The following TTLL11 variants were observed in gnomAD, a reference collection of about 807,000 sequenced individuals.
The protein encoded by TTLL11 is tubulin polyglutamylase TTLL11.
Under a neutral mutation model 51.7 loss-of-function variants are expected in TTLL11, and 42 were observed. The observed-to-expected ratio is 0.81, with a 90% CI of 0.64 to 1.05. TTLL11 has a LOEUF of 1.05. Ranked by LOEUF, TTLL11 falls within the 50% of genes least tolerant of loss-of-function variation. The probability of loss-of-function intolerance (pLI) is 0.00; values close to 1 mark genes in which losing one functional copy is unlikely to be tolerated. For missense variants in TTLL11, 799 were observed against 940.4 expected, an observed-to-expected ratio of 0.85 and a Z score of 1.97; for synonymous variants, 381 against 383.5, an observed-to-expected ratio of 0.99 and a Z score of 0.08.
At chr9:121,888,424 G>A (rs1343969390) in intron 6 of TTLL11, among the ~76,000 whole-genome samples, 4 of 152,224 alleles carry the variant, frequency 2.6e-5, no homozygotes, top group African/African-American at 4.8e-5. Context: ...GAAAGAACCC[G>A]GGTTTCTGCA....
chr9:121,823,531 G>A (rs1171483657), intron 8 of TTLL11, among the ~76,000 whole-genome samples: 1 of 152,152 alleles, frequency 6.6e-6, no homozygotes, highest in African/African-American at 2.4e-5. Flanking sequence ...GGGTGACAGA[G>A]TAAGACTCCA....
chr9:122,074,920 A>T (rs560102518), intron 1 of TTLL11, among the ~76,000 whole-genome samples: 1 of 152,150 alleles, frequency 6.6e-6, no homozygotes, highest in South Asian at 2.1e-4. Flanking sequence ...TGATGTAATC[A>T]TATCTAAAAT....
intron 3 of TTLL11, among the ~76,000 whole-genome samples, chr9:122,027,526 T>C (rs74535456): frequency 7.2e-4 from 110 of 152,344 alleles, no homozygotes; most frequent in Non-Finnish European, 1.3e-3. Flanking sequence ...GGTTATTTCA[T>C]ATTATATCAA....
rs568613635 is a variant in TTLL11 at position 121,932,450 on chromosome 9, C to T, written c.1481+41559G>A. Among the ~76,000 whole-genome samples, 15 of 152,222 alleles carry T rather than the reference C, an allele frequency of 9.9e-5. No individual in the cohort carries two copies. In the South Asian group the frequency reaches 2.1e-3, roughly 21 times the overall value. ...GATGTGTTTGGATTACAGAGTCTTA[C>T]GAGTAGGATGAGCTTTCACAAACAT... On this transcript the variant is annotated intron_variant, in intron 6 of 8. Transcript: ENST00000321582.
chr9:121,924,818 T>C (rs1046621060), intron 6 of TTLL11, among the ~76,000 whole-genome samples: 4 of 151,590 alleles, frequency 2.6e-5, no homozygotes, highest in African/African-American at 9.7e-5. Flanking sequence ...ACTTTTATCA[T>C]CTAAAATTCG....
intron 6 of TTLL11, among the ~76,000 whole-genome samples, chr9:121,880,721 G>C (rs918539402): frequency 2.6e-5 from 4 of 152,200 alleles, no homozygotes; most frequent in African/African-American, 9.7e-5. Flanking sequence ...ACAGCTCCCA[G>C]TACGCAGTAG....
intron 6 of TTLL11, among the ~76,000 whole-genome samples, chr9:121,934,299 A>G (rs1468588497): frequency 1.3e-5 from 2 of 151,950 alleles, no homozygotes; most frequent in Non-Finnish European, 2.9e-5. Flanking sequence ...TGGATCTTTT[A>G]CCCATGCCAA....
intron 2 of TTLL11, among the ~76,000 whole-genome samples, chr9:122,036,450 C>A (rs986501161): frequency 6.6e-6 from 1 of 151,518 alleles, no homozygotes; most frequent in African/African-American, 2.4e-5. Flanking sequence ...GATTTAGATA[C>A]GTCTAAAGAA....
Position 122,019,348 on chromosome 9 carries a change from G to A in TTLL11, c.693+12375C>T, listed in dbSNP as rs143800310. ...TCTCCCCTCTGCACTTAAAACCCCT[G>A]CATGGCTTCCCCTTGATAAGCGCTT... is the stretch of plus-strand genomic sequence containing the variant. On this transcript the variant is annotated intron_variant, in intron 3 of 8. Coordinates refer to ENST00000321582, the MANE Select transcript of TTLL11 (RefSeq NM_001139442.2). Among the ~76,000 whole-genome samples the A allele has an allele frequency of 4.7e-4, 71 of 152,214 alleles. No individual in the cohort carries two copies. The Middle Eastern group carries it at 0.01, about 22-fold the overall frequency.
intron 8 of TTLL11, among the ~76,000 whole-genome samples, chr9:121,848,189 A>C (rs946652703): frequency 7.2e-5 from 11 of 152,050 alleles, no homozygotes; most frequent in Admixed American, 4.6e-4. Context: ...CCTGGTCAAC[A>C]GAGCAAGACC....
chr9:121,875,980 T>G (rs200046635), intron 6 of TTLL11, among the ~76,000 whole-genome samples: 3 of 152,266 alleles, frequency 2.0e-5, no homozygotes, highest in East Asian at 1.9e-4. Flanking sequence ...AAGGGCCTAC[T>G]ACATGTCTAA....
At chr9:121,828,173 CTT>C (rs10708592) in intron 8 of TTLL11, among the ~76,000 whole-genome samples, 68 of 137,282 alleles carry the variant, frequency 5.0e-4, no homozygotes, top group East Asian at 8.7e-4. Flanking sequence ...ACACATTGAA[CTT>C]TTTTTTTTTT....
intron 6 of TTLL11, among the ~76,000 whole-genome samples, chr9:121,945,208 T>C (rs7854015): frequency 0.085 from 12,890 of 152,004 alleles, 852 homozygotes; most frequent in African/African-American, 0.19. Context: ...TAGGAGCAAA[T>C]CCCAGATGAT....
intron 3 of TTLL11, among the ~76,000 whole-genome samples, chr9:122,002,340 G>T (rs898108789): frequency 4.6e-5 from 7 of 152,136 alleles, no homozygotes; most frequent in Non-Finnish European, 1.0e-4. Flanking sequence ...GGGATATCTC[G>T]CTAGCCACTA....
chr9:122,044,653 A>G (rs1844951141), intron 1 of TTLL11, among the ~76,000 whole-genome samples: 2 of 152,222 alleles, frequency 1.3e-5, no homozygotes. Context: ...CAACTCAACA[A>G]TGAAAAAACA....
At chr9:122,057,607 G>T (rs957825037) in intron 1 of TTLL11, among the ~76,000 whole-genome samples, 6 of 152,254 alleles carry the variant, frequency 3.9e-5, no homozygotes, top group Non-Finnish European at 5.9e-5. Flanking sequence ...GATTACAGGT[G>T]TGAGCCACTA....
intron 3 of TTLL11, among the ~76,000 whole-genome samples, chr9:122,011,379 G>C (rs1431086824): frequency 1.3e-5 from 2 of 152,002 alleles, no homozygotes; most frequent in Non-Finnish European, 1.5e-5. Context: ...CATCTTATAG[G>C]TGTAATGTGA....
intron 6 of TTLL11, among the ~76,000 whole-genome samples, chr9:121,932,255 A>G (rs1240293994): frequency 1.3e-5 from 2 of 152,242 alleles, no homozygotes; most frequent in Non-Finnish European, 2.9e-5. Context: ...ATACATGTAT[A>G]CTATACATAA....
chr9:122,006,004 A>G (rs967845376), intron 3 of TTLL11, among the ~76,000 whole-genome samples: 1 of 152,244 alleles, frequency 6.6e-6, no homozygotes, highest in East Asian at 1.9e-4. Flanking sequence ...TGTTTTTACA[A>G]GGTTCAAACT....
Sources: allele counts gnomAD v4.1 joint callset (sites outside exome capture counted in the v4.1 genomes callset), GRCh38; gene constraint gnomAD v4.1.1; transcripts MANE v1.5; gene names NCBI Gene and HGNC (gene_info 2026-07-23, HGNC 2026-07-21).